GRIK3: variants seen among roughly 807,000 people sequenced by gnomAD.
GRIK3 encodes glutamate ionotropic receptor kainate type subunit 3, also known as glutamate receptor ionotropic, kainate 3.
GRIK3 carries 29 observed loss-of-function variants against 102.5 expected under a neutral mutation model. That is an observed-to-expected ratio of 0.28 (90% CI 0.21 to 0.39). The LOEUF (loss-of-function observed/expected upper bound fraction) is 0.39, where lower values mean the gene tolerates loss of function less well. GRIK3 is among the 10% of genes least tolerant of loss of function. The probability of loss-of-function intolerance (pLI) is 1.00; values close to 1 mark genes in which losing one functional copy is unlikely to be tolerated. For synonymous variants in GRIK3, 511 were observed against 504.9 expected, an observed-to-expected ratio of 1.01 and a Z score of -0.16; for missense variants, 908 against 1,252.4, an observed-to-expected ratio of 0.73 and a Z score of 4.15.
chr1:36,819,872 G>A lies in GRIK3; in HGVS notation c.1755-18C>T, dbSNP rs1305064892. 1.5e-6 allele frequency: 2 copies of A among 1,352,004 alleles called. No homozygotes were observed. Among genetic ancestry groups the A allele is most frequent in the Non-Finnish European group, 2.1e-6 (2 of 953,228 alleles). The allele number at this position is 1,352,004 out of a possible 1,614,324, so 83.8% of individuals were successfully genotyped here. ...GGCTGAACCTGCCACAGGAGGAGAG[G>A]GACAGTCAGCCTGGGAAGCAAGGGG... On this transcript the variant is annotated intron_variant, in intron 11 of 15. Coordinates refer to ENST00000373091, the MANE Select transcript of GRIK3 (RefSeq NM_000831.4). The surrounding 1 kb of genome is among the most constrained non-coding windows in gnomAD (Gnocchi z 4.1).
At chr1:36,917,093 T>G (rs901945774) in intron 1 of GRIK3, among the ~76,000 whole-genome samples, 1 of 152,250 alleles carries the variant, frequency 6.6e-6, no homozygotes, top group Admixed American at 6.5e-5. Context: ...CAGTGTGATC[T>G]GTCCAGTGAG....
At chr1:37,004,465 G>A (rs1268157557) in intron 1 of GRIK3, among the ~76,000 whole-genome samples, 1 of 152,112 alleles carries the variant, frequency 6.6e-6, no homozygotes, top group Non-Finnish European at 1.5e-5. Context: ...GGGCAGTGGG[G>A]GTCTGGGGTC....
chr1:36,860,561 C>T (rs1313895767), intron 5 of GRIK3, among the ~76,000 whole-genome samples: 1 of 152,248 alleles, frequency 6.6e-6, no homozygotes, highest in Non-Finnish European at 1.5e-5. Context: ...CTCCTAGGAG[C>T]AGCTGAGCAG....
intron 1 of GRIK3, among the ~76,000 whole-genome samples, chr1:37,026,351 A>G (rs1201596244): frequency 6.6e-6 from 1 of 152,134 alleles, no homozygotes; most frequent in African/African-American, 2.4e-5. Context: ...CACCAACTCC[A>G]GTGCAGGGCC....
chr1:36,958,248 T>C (rs1240875966), intron 1 of GRIK3, among the ~76,000 whole-genome samples: 6 of 58,056 alleles, frequency 1.0e-4, no homozygotes, highest in African/African-American at 2.3e-4. Context: ...AGCCTGTGTG[T>C]CCCATGACTC....
intron 3 of GRIK3, among the ~76,000 whole-genome samples, chr1:36,873,036 G>A (rs1053009817): frequency 2.6e-5 from 4 of 152,142 alleles, no homozygotes; most frequent in Non-Finnish European, 5.9e-5. Flanking sequence ...CCTCCTCCAT[G>A]AAGCCTTCCT....
chr1:36,820,223 T>C (rs1642681581), intron 11 of GRIK3, among the ~76,000 whole-genome samples: 1 of 152,168 alleles, frequency 6.6e-6, no homozygotes, highest in African/African-American at 2.4e-5. Context: ...AAAATATCCT[T>C]CAATAAAGGA....
intron 1 of GRIK3, among the ~76,000 whole-genome samples, chr1:37,024,268 C>T (rs1476536900): frequency 6.6e-6 from 1 of 152,102 alleles, no homozygotes; most frequent in Non-Finnish European, 1.5e-5. Flanking sequence ...CTTTGTGTTT[C>T]TGCAGAGCTC....
intron 10 of GRIK3, among the ~76,000 whole-genome samples, chr1:36,835,407 G>A (rs966408880): frequency 1.3e-5 from 2 of 152,198 alleles, no homozygotes; most frequent in African/African-American, 4.8e-5. Context: ...TTTACCCCAA[G>A]AGATGGTCCT....
intron 1 of GRIK3, among the ~76,000 whole-genome samples, chr1:36,985,309 G>T (rs903715287): frequency 3.9e-5 from 6 of 152,110 alleles, no homozygotes; most frequent in African/African-American, 1.4e-4. Context: ...GTGGTCCTGG[G>T]TGTCCCTAAC....
In GRIK3 at chr1:36,853,675, A is replaced by G; in HGVS notation, c.1152T>C (p.Ser384=). 1.2e-6 allele frequency: 2 copies of G among 1,614,070 alleles called. No individual in the cohort carries two copies. Among genetic ancestry groups the G allele is most frequent in the Non-Finnish European group, 1.7e-6 (2 of 1,179,896 alleles). Residue 384 remains serine, a synonymous_variant, in exon 8 of 16, where the codon AGT becomes AGC. Coordinates refer to ENST00000373091, the MANE Select transcript of GRIK3 (RefSeq NM_000831.4). ...LTGRIVFNKT[S]GLRTDFDLDI... The stretch of plus-strand genomic sequence containing the variant: ...CCAGATCAAAATCCGTCCGCAAGCC[A>G]CTAGTTTTGTTGAAAACAATTCGTC...
intron 2 of GRIK3, among the ~76,000 whole-genome samples, chr1:36,881,191 T>A (rs900698059): frequency 1.3e-5 from 2 of 152,156 alleles, no homozygotes; most frequent in African/African-American, 4.8e-5. Flanking sequence ...CCACATTCAA[T>A]GTTACCATCC....
intron 5 of GRIK3, among the ~76,000 whole-genome samples, chr1:36,860,903 C>T (rs537982536): frequency 6.6e-6 from 1 of 152,288 alleles, no homozygotes; most frequent in East Asian, 1.9e-4. Flanking sequence ...GTTTACCAGG[C>T]CCTCCAGTAT....
Position 36,967,916 on chromosome 1 carries a change from C to T in GRIK3, c.115+66078G>A, listed in dbSNP as rs147913373. Among the ~76,000 whole-genome samples the T allele has an allele frequency of 3.0e-3, 452 of 152,340 alleles. 4 individuals are homozygous for T. Among genetic ancestry groups the T allele is most frequent in the African/African-American group, 0.01 (416 of 41,566 alleles). On this transcript the variant is annotated intron_variant, in intron 1 of 15. Coordinates refer to ENST00000373091, the MANE Select transcript of GRIK3 (RefSeq NM_000831.4). ...GCAATAATGTGATAATAATGACATA[C>T]TTTGCCCAGTAAGCCTGTCCTGAAG...
At chr1:36,958,550 C>T (rs979134911) in intron 1 of GRIK3, among the ~76,000 whole-genome samples, 1 of 150,674 alleles carries the variant, frequency 6.6e-6, no homozygotes, top group African/African-American at 2.5e-5. Context: ...GCCTGTGTGC[C>T]CTGTGAGTCT....
intron 1 of GRIK3, among the ~76,000 whole-genome samples, chr1:37,025,924 A>G (rs1368463206): frequency 1.3e-5 from 2 of 152,180 alleles, no homozygotes; most frequent in Non-Finnish European, 2.9e-5. Flanking sequence ...ACTCCATTTC[A>G]TCATCTCCGA....
chr1:36,806,021 G>A lies in GRIK3; in HGVS notation c.2314+83C>T, dbSNP rs1642497005. ...TTATCAGCCCCATGGAATGAGCTGT[G>A]AGACGGAGTGTGAGGGGACGCGGGG... On this transcript the variant is annotated intron_variant, in intron 14 of 15. Coordinates refer to ENST00000373091, the MANE Select transcript of GRIK3 (RefSeq NM_000831.4). The surrounding 1 kb of genome is among the most constrained non-coding windows in gnomAD (Gnocchi z 4.0). The A allele has an allele frequency of 5.1e-6, 4 of 781,890 alleles. No homozygotes were observed. The Admixed American group carries it at 8.5e-5, about 17-fold the overall frequency. 48.4% of individuals were successfully genotyped at this position (781,890 alleles called of 1,614,324 possible). A position where few individuals can be genotyped will look rare whatever the true frequency, so the allele number is the denominator to read the frequency against.
At chr1:36,963,697 G>A (rs1169505799) in intron 1 of GRIK3, among the ~76,000 whole-genome samples, 1 of 152,136 alleles carries the variant, frequency 6.6e-6, no homozygotes, top group Admixed American at 6.5e-5. Context: ...TGGCCTCTCT[G>A]TGAGAGTTCC....
At chr1:36,899,944 T>A (rs540455516) in intron 1 of GRIK3, among the ~76,000 whole-genome samples, 2 of 152,356 alleles carry the variant, frequency 1.3e-5, no homozygotes, top group Admixed American at 1.3e-4. Context: ...GAATTTACTA[T>A]TCTACTAGGA....
Sources: gnomAD v4.1 joint callset for allele counts (sites outside exome capture counted in the v4.1 genomes callset) on GRCh38, gnomAD v4.1.1 for gene constraint, Gnocchi (gnomAD v3.1) non-coding constraint, MANE v1.5 for transcripts, NCBI Gene and HGNC (gene_info 2026-07-23, HGNC 2026-07-21) for gene names.